The following EPHA6 variants were observed in gnomAD, a reference collection of about 807,000 sequenced individuals.
The protein encoded by EPHA6 is ephrin type-A receptor 6.
In EPHA6, 50 loss-of-function variants were observed where a neutral mutation model predicts 112.0. The ratio of observed to expected loss-of-function variants is 0.45; its 90% CI spans 0.36 to 0.56. EPHA6 has a LOEUF of 0.56. Among genes scored for constraint, EPHA6 ranks in the 20% least tolerant of loss-of-function variants. The pLI, the probability that EPHA6 is intolerant of heterozygous loss-of-function variation, is 0.00. For missense variants in EPHA6, 1,280 were observed against 1,417.4 expected, an observed-to-expected ratio of 0.90 and a Z score of 1.56; for synonymous variants, 529 against 490.7, an observed-to-expected ratio of 1.08 and a Z score of -1.03.
intron 5 of EPHA6, among the ~76,000 whole-genome samples, chr3:97,335,368 G>A (rs1481677680): frequency 6.6e-6 from 1 of 152,138 alleles, no homozygotes; most frequent in Non-Finnish European, 1.5e-5. Flanking sequence ...CTAGAACAGT[G>A]AGGAACAAAA....
intron 5 of EPHA6, among the ~76,000 whole-genome samples, chr3:97,368,620 A>G (rs1299855856): frequency 6.6e-6 from 1 of 152,182 alleles, no homozygotes; most frequent in Non-Finnish European, 1.5e-5. Flanking sequence ...TTCAATGATG[A>G]TATATCTTCA....
At chr3:97,151,871 TTAAG>T (rs1189581038) in intron 3 of EPHA6, among the ~76,000 whole-genome samples, 1 of 151,996 alleles carries the variant, frequency 6.6e-6, no homozygotes, top group Non-Finnish European at 1.5e-5. Context: ...TAAATCAGTA[TTAAG>T]TATGTATCGT....
chr3:96,931,112 A>C (rs1200462308), intron 2 of EPHA6, among the ~76,000 whole-genome samples: 1 of 150,556 alleles, frequency 6.6e-6, no homozygotes, highest in Non-Finnish European at 1.5e-5. Flanking sequence ...CAGGGCCCAC[A>C]GGCTGGACTG....
At chr3:97,387,515 T>C (rs923163420) in intron 5 of EPHA6, among the ~76,000 whole-genome samples, 2 of 151,258 alleles carry the variant, frequency 1.3e-5, no homozygotes, top group Admixed American at 1.3e-4. Flanking sequence ...AGAGTGACCT[T>C]TGCTCCAGTT....
intron 6 of EPHA6, among the ~76,000 whole-genome samples, chr3:97,416,566 C>T (rs1361350763): frequency 1.3e-5 from 2 of 151,984 alleles, no homozygotes; most frequent in South Asian, 2.1e-4. Context: ...TGTTCTGTGG[C>T]TTGAATATAG....
intron 10 of EPHA6, among the ~76,000 whole-genome samples, chr3:97,510,603 G>C (rs1335713056): frequency 6.6e-6 from 1 of 152,150 alleles, no homozygotes; most frequent in African/African-American, 2.4e-5. Context: ...GTGGAGCTCT[G>C]TTATATGGGG....
intron 5 of EPHA6, among the ~76,000 whole-genome samples, chr3:97,369,075 G>T (rs913060265): frequency 7.2e-5 from 11 of 152,286 alleles, no homozygotes; most frequent in African/African-American, 2.6e-4. Flanking sequence ...ATGTCCCTGA[G>T]CTGGGAAAAG....
intron 3 of EPHA6, among the ~76,000 whole-genome samples, chr3:97,006,259 G>A: frequency 6.6e-6 from 1 of 152,126 alleles, no homozygotes; most frequent in African/African-American, 2.4e-5. Context: ...GGCTTTTTTT[G>A]GTTGGTAGGC....
chr3:97,252,911 G>C (rs1177213232), intron 5 of EPHA6, among the ~76,000 whole-genome samples: 1 of 152,154 alleles, frequency 6.6e-6, no homozygotes, highest in Non-Finnish European at 1.5e-5. Context: ...TAATGTCACT[G>C]TTTTTCAAAT....
chr3:97,600,938 T>C (rs537336592), intron 12 of EPHA6, among the ~76,000 whole-genome samples: 6 of 152,234 alleles, frequency 3.9e-5, no homozygotes, highest in Middle Eastern at 3.4e-3. Context: ...ATTTTTTTAG[T>C]AGTTCTTTTT....
At chr3:97,399,941 A>G (rs770278705) in intron 5 of EPHA6, among the ~76,000 whole-genome samples, 27 of 151,384 alleles carry the variant, frequency 1.8e-4, no homozygotes, top group Non-Finnish European at 3.6e-4. Flanking sequence ...TTAGTTTGAT[A>G]TAATCTCGTT....
intron 10 of EPHA6, among the ~76,000 whole-genome samples, chr3:97,520,044 T>C (rs2092514040): frequency 6.6e-6 from 1 of 150,926 alleles, no homozygotes; most frequent in Admixed American, 6.6e-5. Flanking sequence ...CTCGGCTCAC[T>C]GCAAGCTCTG....
Position 97,752,909 on chromosome 3 carries a change from T to C in EPHA6, c.*4208T>C, listed in dbSNP as rs2035935668. 6.6e-6 allele frequency among the ~76,000 whole-genome samples: 1 copy of C among 152,116 alleles called. No individual in the cohort carries two copies. Among genetic ancestry groups the C allele is most frequent in the Non-Finnish European group, 1.5e-5 (1 of 67,992 alleles). ...TATCACTTCTTTTAGTATGAGCATC[T>C]TAACTTTTCCAATCTCAAATTCTGT... is the stretch of plus-strand genomic sequence containing the variant. On this transcript the variant is annotated 3_prime_UTR_variant, in exon 18 of 18. Coordinates refer to ENST00000389672, the MANE Select transcript of EPHA6 (RefSeq NM_001080448.3).
chr3:97,187,636 GAA>G (rs1307379826), intron 3 of EPHA6, among the ~76,000 whole-genome samples: 1 of 123,596 alleles, frequency 8.1e-6, no homozygotes, highest in Non-Finnish European at 1.7e-5. Context: ...AGGGAAGAAA[GAA>G]AAAGAGAGAG....
intron 2 of EPHA6, among the ~76,000 whole-genome samples, chr3:96,926,970 CTG>C: frequency 6.6e-6 from 1 of 152,360 alleles, no homozygotes; most frequent in Non-Finnish European, 1.5e-5. Flanking sequence ...CATTTTCCTA[CTG>C]TACTACCCTA....
intron 5 of EPHA6, among the ~76,000 whole-genome samples, chr3:97,308,101 C>CA (rs1408120546): frequency 6.6e-6 from 1 of 151,622 alleles, no homozygotes; most frequent in African/African-American, 2.4e-5. Flanking sequence ...AAAAACTCAT[C>CA]AGTCGTCACC....
At chr3:96,817,215 G>A (rs1296132325) in intron 1 of EPHA6, among the ~76,000 whole-genome samples, 1 of 151,848 alleles carries the variant, frequency 6.6e-6, no homozygotes, top group Non-Finnish European at 1.5e-5. Flanking sequence ...ATAAAATGAT[G>A]CTTTTTACAG....
chr3:97,406,229 C>G (rs1415991728), intron 6 of EPHA6, among the ~76,000 whole-genome samples: 1 of 152,074 alleles, frequency 6.6e-6, no homozygotes, highest in Non-Finnish European at 1.5e-5. Flanking sequence ...TTTATTTTGT[C>G]TGCTGTAACA....
At chr3:97,214,383 T>G (rs2077971846) in intron 3 of EPHA6, among the ~76,000 whole-genome samples, 1 of 150,908 alleles carries the variant, frequency 6.6e-6, no homozygotes, top group African/African-American at 2.4e-5. Flanking sequence ...AAAGTTGGAT[T>G]GAATATTTTG....
Sources: gnomAD v4.1 joint callset for allele counts (sites outside exome capture counted in the v4.1 genomes callset) on GRCh38, gnomAD v4.1.1 for gene constraint, MANE v1.5 for transcripts, NCBI Gene and HGNC (gene_info 2026-07-23, HGNC 2026-07-21) for gene names.